Variants in KAZN observed in about 807,000 individuals in gnomAD.
KAZN encodes kazrin, periplakin interacting protein.
Under a neutral mutation model 87.4 loss-of-function variants are expected in KAZN, and 40 were observed. The ratio of observed to expected loss-of-function variants is 0.46; its 90% confidence interval spans 0.36 to 0.60. The LOEUF is 0.60. KAZN is among the 20% of genes least tolerant of loss of function. The pLI is 0.00. For synonymous variants in KAZN, 466 were observed against 458.3 expected, an observed-to-expected ratio of 1.02 and a Z score of -0.22; for missense variants, 898 against 1,073.9, an observed-to-expected ratio of 0.84 and a Z score of 2.29.
intron 2 of KAZN, among the ~76,000 whole-genome samples, chr1:14,457,337 G>A (rs754578872): frequency 2.0e-5 from 3 of 151,968 alleles, no homozygotes; most frequent in Non-Finnish European, 2.9e-5. Flanking sequence ...ATACCTGTTC[G>A]TTCCTTTCCC....
At chr1:13,976,661 G>A (rs914446513) in intron 1 of KAZN, among the ~76,000 whole-genome samples, 4 of 151,982 alleles carry the variant, frequency 2.6e-5, no homozygotes, top group Non-Finnish European at 4.4e-5. Flanking sequence ...ATATCTACAT[G>A]AATATAAATG....
chr1:14,947,942 G>T (rs1362863587), intron 1 of KAZN, among the ~76,000 whole-genome samples: 1 of 152,238 alleles, frequency 6.6e-6, no homozygotes, highest in African/African-American at 2.4e-5. Context: ...TGAAAGGTTT[G>T]TGACATCCAG....
At chr1:15,067,081 C>A (rs545796318) in intron 8 of KAZN, 621 of 985,642 alleles carry the variant, frequency 6.3e-4, no homozygotes, top group Non-Finnish European at 7.2e-4. Context: ...CGAGGGGCCT[C>A]CAGCAGCTTC....
intron 1 of KAZN, among the ~76,000 whole-genome samples, chr1:14,605,743 T>C (rs1226656390): frequency 1.3e-5 from 2 of 151,990 alleles, no homozygotes; most frequent in African/African-American, 4.8e-5. Flanking sequence ...TGGAAGAAAA[T>C]TCACATATAA....
chr1:13,942,795 A>G (rs1640989242), intron 1 of KAZN, among the ~76,000 whole-genome samples: 1 of 152,192 alleles, frequency 6.6e-6, no homozygotes, highest in African/African-American at 2.4e-5. Context: ...TCAAATAGCT[A>G]GAATCTATAA....
Position 14,536,961 on chromosome 1 carries a change from C to T in KAZN, c.250-62022C>T, listed in dbSNP as rs577584198. ...CTCTCTTCCTTCCAGTCTCTGGCAT[C>T]TCCTGGTACAATAGATGTTCACTAG... is the stretch of plus-strand genomic sequence containing the variant. On this transcript the variant is annotated intron_variant, in intron 2 of 16. Transcript: ENST00000636203. 2.6e-5 allele frequency among the ~76,000 whole-genome samples: 4 copies of T among 152,258 alleles called. No individual in the cohort carries two copies. The South Asian group carries it at 8.3e-4, about 32-fold the overall frequency.
intron 1 of KAZN, among the ~76,000 whole-genome samples, chr1:14,939,948 T>C (rs886518102): frequency 2.6e-5 from 4 of 152,166 alleles, no homozygotes. Context: ...CCAAAGGCAG[T>C]GGCAGAGCCT....
chr1:13,906,471 G>C (rs576156347), intron 1 of KAZN, among the ~76,000 whole-genome samples: 1 of 152,176 alleles, frequency 6.6e-6, no homozygotes, highest in African/African-American at 2.4e-5. Flanking sequence ...AAAACCCTGT[G>C]GGGCAGAAAG....
chr1:14,369,280 T>C (rs997020655), intron 2 of KAZN, among the ~76,000 whole-genome samples: 1 of 152,182 alleles, frequency 6.6e-6, no homozygotes, highest in Non-Finnish European at 1.5e-5. Flanking sequence ...CAAAAATGTA[T>C]CGTTCGCTCT....
intron 1 of KAZN, among the ~76,000 whole-genome samples, chr1:14,892,409 C>G (rs1224674785): frequency 6.6e-6 from 1 of 151,518 alleles, no homozygotes; most frequent in Non-Finnish European, 1.5e-5. Context: ...TTTTCCCCCT[C>G]CCCCCTGCTG....
intron 1 of KAZN, among the ~76,000 whole-genome samples, chr1:13,900,076 G>T (rs1222177902): frequency 6.6e-6 from 1 of 152,196 alleles, no homozygotes; most frequent in African/African-American, 2.4e-5. Context: ...TGATGAAATG[G>T]TGTTAGTGGA....
At chr1:14,034,479 A>C (rs187742443) in intron 1 of KAZN, among the ~76,000 whole-genome samples, 7 of 152,380 alleles carry the variant, frequency 4.6e-5, no homozygotes, top group Admixed American at 3.9e-4. Context: ...TATATTTAAC[A>C]AATGGCATAA....
chr1:13,940,067 A>C (rs576201546), intron 1 of KAZN, among the ~76,000 whole-genome samples: 12 of 152,248 alleles, frequency 7.9e-5, no homozygotes, highest in Middle Eastern at 6.8e-3. Flanking sequence ...CATCCAAACT[A>C]AATCAGGGAT....
intron 1 of KAZN, among the ~76,000 whole-genome samples, chr1:14,799,967 G>C (rs1645956174): frequency 1.3e-5 from 2 of 152,258 alleles, no homozygotes; most frequent in South Asian, 4.1e-4. Flanking sequence ...ATAAGTATCT[G>C]ACATGTTTCT....
intron 1 of KAZN, among the ~76,000 whole-genome samples, chr1:13,907,251 G>T (rs533074014): frequency 6.6e-6 from 1 of 152,284 alleles, no homozygotes; most frequent in East Asian, 1.9e-4. Context: ...CCCACTGAAG[G>T]CTGGAAACAC....
At chr1:14,852,045 C>T (rs1649511699) in intron 1 of KAZN, among the ~76,000 whole-genome samples, 1 of 152,204 alleles carries the variant, frequency 6.6e-6, no homozygotes, top group South Asian at 2.1e-4. Context: ...ATCTGTGGTT[C>T]TAGGCAATTT....
chr1:14,353,511 G>A (rs200401924), intron 2 of KAZN, among the ~76,000 whole-genome samples: 22 of 152,050 alleles, frequency 1.4e-4, no homozygotes, highest in Non-Finnish European at 2.6e-4. Context: ...GAGCCACCGC[G>A]CCCGGCCGAC....
intron 2 of KAZN, among the ~76,000 whole-genome samples, chr1:14,375,780 C>T (rs820669): frequency 3.9e-5 from 6 of 151,914 alleles, no homozygotes; most frequent in African/African-American, 9.7e-5. Flanking sequence ...CCCAGCTACT[C>T]GGGAGGCTGA....
chr1:14,703,367 A>G (rs1431662715), intron 1 of KAZN, among the ~76,000 whole-genome samples: 1 of 152,188 alleles, frequency 6.6e-6, no homozygotes, highest in Non-Finnish European at 1.5e-5. Flanking sequence ...AGTTTCCTCC[A>G]TCCTATTCTC....
Sources: allele counts gnomAD v4.1 joint callset (sites outside exome capture counted in the v4.1 genomes callset), GRCh38; gene constraint gnomAD v4.1.1; transcripts MANE v1.5; gene names NCBI Gene and HGNC (gene_info 2026-07-23, HGNC 2026-07-21).